The following GABRB2 variants were observed in gnomAD, a reference collection of about 807,000 sequenced individuals.
The protein encoded by GABRB2 is gamma-aminobutyric acid receptor subunit beta-2.
In GABRB2, 16 loss-of-function variants were observed where a neutral mutation model predicts 54.7. The ratio of observed to expected loss-of-function variants is 0.29; its 90% CI spans 0.20 to 0.44. The LOEUF is 0.44. GABRB2 is among the 20% of genes least tolerant of loss of function. The pLI, the probability that GABRB2 is intolerant of heterozygous loss-of-function variation, is 1.00. For missense variants in GABRB2, 355 were observed against 644.0 expected, an observed-to-expected ratio of 0.55 and a Z score of 4.86; for synonymous variants, 244 against 233.8, an observed-to-expected ratio of 1.04 and a Z score of -0.40.
At chr5:161,443,882 C>G (rs570957744) in intron 4 of GABRB2, among the ~76,000 whole-genome samples, 1 of 152,256 alleles carries the variant, frequency 6.6e-6, no homozygotes, top group East Asian at 1.9e-4. Flanking sequence ...CTTAATGAAT[C>G]ATCTTAGTGT....
intron 3 of GABRB2, among the ~76,000 whole-genome samples, chr5:161,526,399 A>T (rs893216324): frequency 2.0e-5 from 3 of 151,394 alleles, no homozygotes; most frequent in East Asian, 3.9e-4. Context: ...CAGGTGTATG[A>T]GGCACTATCA....
At chr5:161,416,706 A>AAAAAAAAAAAAAAAAAAAAAAAAC (rs1756684196) in intron 4 of GABRB2, among the ~76,000 whole-genome samples, 1 of 139,220 alleles carries the variant, frequency 7.2e-6, no homozygotes, top group Non-Finnish European at 1.5e-5. Flanking sequence ...CAAAAAAAAA[A>AAAAAAAAAAAAAAAAAAAAAAAAC]AAAAAAAAAA....
chr5:161,426,803 T>C (rs1009765349), intron 4 of GABRB2, among the ~76,000 whole-genome samples: 2 of 152,080 alleles, frequency 1.3e-5, no homozygotes, highest in Non-Finnish European at 2.9e-5. Flanking sequence ...TTATAGCACA[T>C]TGGCAAAAAG....
At chr5:161,356,091 T>C (rs1754618395) in intron 5 of GABRB2, among the ~76,000 whole-genome samples, 1 of 152,088 alleles carries the variant, frequency 6.6e-6, no homozygotes, top group Non-Finnish European at 1.5e-5. Context: ...AAACAGAATT[T>C]AGAGCCAATG....
At chr5:161,515,112 C>T (rs1238577744) in intron 3 of GABRB2, among the ~76,000 whole-genome samples, 16 of 152,046 alleles carry the variant, frequency 1.1e-4, no homozygotes, top group Admixed American at 9.8e-4. Flanking sequence ...AAAAAAGGAC[C>T]ATGTTAAGCA....
chr5:161,417,991 C>T (rs912251511), intron 4 of GABRB2, among the ~76,000 whole-genome samples: 1 of 152,182 alleles, frequency 6.6e-6, no homozygotes, highest in African/African-American at 2.4e-5. Context: ...ATAAATCATG[C>T]ATTTCAGATT....
At chr5:161,362,459 G>A (rs561499931) in intron 5 of GABRB2, among the ~76,000 whole-genome samples, 227 of 151,938 alleles carry the variant, frequency 1.5e-3, no homozygotes, top group Non-Finnish European at 2.6e-3. Flanking sequence ...TCCTTGAGCC[G>A]TAGGTATGGG....
At chr5:161,521,355 G>A (rs550865658) in intron 3 of GABRB2, among the ~76,000 whole-genome samples, 2 of 152,016 alleles carry the variant, frequency 1.3e-5, no homozygotes, top group African/African-American at 2.4e-5. Flanking sequence ...GTGAATGTGA[G>A]TCTGTAGAAT....
intron 4 of GABRB2, among the ~76,000 whole-genome samples, chr5:161,431,125 T>C (rs1034051262): frequency 2.0e-5 from 3 of 152,160 alleles, no homozygotes; most frequent in Non-Finnish European, 4.4e-5. Flanking sequence ...TCTGTGACAC[T>C]AGTATTTTAT....
At chr5:161,421,426 G>A (rs536901175) in intron 4 of GABRB2, among the ~76,000 whole-genome samples, 1 of 152,188 alleles carries the variant, frequency 6.6e-6, no homozygotes, top group Non-Finnish European at 1.5e-5. Context: ...GGGACACGCA[G>A]CATCAGTAGA....
intron 3 of GABRB2, among the ~76,000 whole-genome samples, chr5:161,490,807 AT>A (rs1759075275): frequency 6.6e-6 from 1 of 151,762 alleles, no homozygotes; most frequent in Non-Finnish European, 1.5e-5. Flanking sequence ...CTCTCAAACT[AT>A]GCTTCAAGAG....
At chr5:161,429,990 A>G (rs1757130086) in intron 4 of GABRB2, among the ~76,000 whole-genome samples, 2 of 152,226 alleles carry the variant, frequency 1.3e-5, no homozygotes, top group Admixed American at 6.5e-5. Flanking sequence ...TAAATTTTAA[A>G]ACGAAATGTC....
In GABRB2 at chr5:161,294,051, T is replaced by C; in HGVS notation, c.*30A>G. 6.5e-7 allele frequency: 1 copy of C among 1,530,308 alleles called. No individual in the cohort carries two copies. Among genetic ancestry groups the C allele is most frequent in the Non-Finnish European group, 9.0e-7 (1 of 1,110,244 alleles). 94.8% of individuals were successfully genotyped at this position (1,530,308 alleles called of 1,614,324 possible). A position where few individuals can be genotyped will look rare whatever the true frequency, so the allele number is the denominator to read the frequency against. On this transcript the variant is annotated 3_prime_UTR_variant, in exon 10 of 10. Coordinates refer to ENST00000393959, the MANE Select transcript of GABRB2 (RefSeq NM_001371727.1). ...TGTACAACTGGTTTGAGGAGGAATC[T>C]AGTCCTTGCTTCCAGTGGGAGGCCA...
At chr5:161,399,082 C>T (rs1306204215) in intron 5 of GABRB2, among the ~76,000 whole-genome samples, 2 of 152,070 alleles carry the variant, frequency 1.3e-5, no homozygotes, top group African/African-American at 4.8e-5. Context: ...GTAAGGAATT[C>T]TACAAATATA....
At chr5:161,410,454 C>CA (rs1756477107) in intron 5 of GABRB2, among the ~76,000 whole-genome samples, 1 of 151,450 alleles carries the variant, frequency 6.6e-6, no homozygotes, top group African/African-American at 2.4e-5. Flanking sequence ...TGGCCTTCAG[C>CA]AAAAAATATA....
intron 5 of GABRB2, among the ~76,000 whole-genome samples, chr5:161,352,432 T>G (rs899955067): frequency 6.6e-6 from 1 of 152,096 alleles, no homozygotes; most frequent in East Asian, 1.9e-4. Context: ...GAGGACATTA[T>G]GTTAAGTGAA....
chr5:161,493,188 A>G (rs895483234), intron 3 of GABRB2, among the ~76,000 whole-genome samples: 5 of 151,762 alleles, frequency 3.3e-5, no homozygotes, highest in Non-Finnish European at 5.9e-5. Context: ...ATAAGGTGGT[A>G]CCTCTTTATT....
intron 4 of GABRB2, among the ~76,000 whole-genome samples, chr5:161,437,974 C>T (rs1029092307): frequency 1.3e-5 from 2 of 152,184 alleles, no homozygotes; most frequent in African/African-American, 4.8e-5. Flanking sequence ...GGAGGCCTTG[C>T]TGCCCTGAAG....
chr5:161,504,443 C>G (rs1759541495), intron 3 of GABRB2, among the ~76,000 whole-genome samples: 1 of 152,026 alleles, frequency 6.6e-6, no homozygotes, highest in Admixed American at 6.6e-5. Context: ...AATTAAAATA[C>G]TTTTAAAAAA....
Sources: gnomAD v4.1 joint callset for allele counts (sites outside exome capture counted in the v4.1 genomes callset) on GRCh38, gnomAD v4.1.1 for gene constraint, MANE v1.5 for transcripts, NCBI Gene and HGNC (gene_info 2026-07-23, HGNC 2026-07-21) for gene names.